HCN2: variants seen among roughly 807,000 people sequenced by gnomAD.
HCN2 encodes the protein hyperpolarization activated cyclic nucleotide gated potassium and sodium channel 2, also known as potassium/sodium hyperpolarization-activated cyclic nucleotide-gated channel 2.
In HCN2, 20 loss-of-function variants were observed where a neutral mutation model predicts 52.3. The ratio of observed to expected loss-of-function variants is 0.38; its 90% CI spans 0.27 to 0.56. The LOEUF is 0.56. Ranked by LOEUF, HCN2 falls within the 20% of genes least tolerant of loss-of-function variation. The pLI, the probability that HCN2 is intolerant of heterozygous loss-of-function variation, is 0.71. For synonymous variants in HCN2, 694 were observed against 537.0 expected (o/e 1.29, Z -4.04); for missense variants, 981 against 1,207.7 (o/e 0.81, Z 2.78).
chr19:614,661 C>G (rs567617913), intron 7 of HCN2, among the ~76,000 whole-genome samples: 1 of 152,028 alleles, frequency 6.6e-6, no homozygotes. Flanking sequence ...GGAGGCCAGA[C>G]ACACAGGGCC....
At chr19:604,036 GGCA>G (rs1371155139) in intron 2 of HCN2, 69 bp downstream of exon 2, 2 of 1,212,926 alleles carry the variant, frequency 1.6e-6, no homozygotes, top group African/African-American at 1.5e-5. Flanking sequence ...GCGGGGCCAA[GGCA>G]GCAGGGGCGG....
chr19:607,265 C>T (rs1436624879), intron 3 of HCN2, among the ~76,000 whole-genome samples: 1 of 152,250 alleles, frequency 6.6e-6, no homozygotes, highest in African/African-American at 2.4e-5. Flanking sequence ...TTATGGGAGC[C>T]CTCGGCCGCT....
chr19:601,905 A>G (rs1421984554), intron 1 of HCN2, among the ~76,000 whole-genome samples: 1 of 151,728 alleles, frequency 6.6e-6, no homozygotes, highest in Non-Finnish European at 1.5e-5. Context: ...CACCTTGGGG[A>G]CTTGGACTCT....
chr19:610,325 G>A lies in HCN2; in HGVS notation c.1504G>A (p.Asp502Asn), dbSNP rs1193990526. The part of the protein sequence containing the change: ...LPADFRQKIH[D>N]YYEHRYQGKM... ...AGCTGACTTCCGCCAGAAGATCCAC[G>A]ACTACTATGAGCACCGTTACCAGGG... Residue 502 changes from aspartate (D) to asparagine (N), a missense_variant, in exon 5 of 8, where the codon GAC (aspartate) becomes AAC (asparagine). Around this residue, in one of 6 missense-constraint regions of HCN2, gnomAD observed 282 missense variants for 553.8 expected, o/e 0.51. Transcript: ENST00000251287. 6.2e-6 allele frequency: 10 copies of A among 1,613,714 alleles called. No homozygotes were observed. Among genetic ancestry groups the A allele is most frequent in the East Asian group, 2.2e-5 (1 of 44,882 alleles).
intron 1 of HCN2, among the ~76,000 whole-genome samples, chr19:595,038 C>G: frequency 6.6e-6 from 1 of 152,050 alleles, no homozygotes; most frequent in South Asian, 2.1e-4. Flanking sequence ...CCCATCTCTA[C>G]AAAAAGTTAA....
intron 4 of HCN2, among the ~76,000 whole-genome samples, chr19:608,976 TG>T (rs1983515607): frequency 6.6e-6 from 1 of 152,180 alleles, no homozygotes; most frequent in Non-Finnish European, 1.5e-5. Flanking sequence ...TGGCAGCCCC[TG>T]GAGTTGGGCC....
intron 6 of HCN2, 45 bp from the exon 7 acceptor site, chr19:613,807 G>T: frequency 1.4e-6 from 2 of 1,453,810 alleles, no homozygotes; most frequent in Non-Finnish European, 1.8e-6. Context: ...GGAGGGCCGC[G>T]GCGCCCGCCT....
chr19:616,370 G>A lies in HCN2; in HGVS notation c.2566G>A (p.Ala856Thr), dbSNP rs771330705. The change falls in exon 8 of 8, where the codon GCC becomes ACC. Residue 856 changes from alanine (A) to threonine (T), a missense_variant. Ala to Thr is a moderately conservative substitution (Grantham distance 58). Transcript: ENST00000251287. Reference sequence around the variant, plus strand: ...CTTGGGGCCCACGCCCGCTGCCCGGGCCGCCGCGCCCAGCCCGGACCGCAG... The same window carrying A: ...CTTGGGGCCCACGCCCGCTGCCCGGACCGCCGCGCCCAGCCCGGACCGCAG... ...PRLGPTPAAR[A>T]AAPSPDRRDS... The A allele has an allele frequency of 7.3e-6, 9 of 1,226,334 alleles. 1 individual carries two copies. The South Asian group carries it at 1.5e-4, about 21-fold the overall frequency. 76.0% of individuals were successfully genotyped at this position (1,226,334 alleles called of 1,614,324 possible).
Position 603,764 on chromosome 19 carries a change from A to T in HCN2, c.853A>T (p.Lys285Ter). ...IILDPEKIKK[K>*]YLRTWFVVDF... ...CCTGGACCCCGAGAAGATCAAGAAG[A>T]AGTATCTGCGCACGTGGTTCGTGGT... The change falls in exon 2 of 8, where the codon AAG (lysine) becomes TAG (stop). Residue 285 changes from lysine to a stop codon, truncating the protein, a stop_gained. Transcript: ENST00000251287. LOFTEE classifies it high-confidence loss of function. 2 of 1,612,818 alleles carry T rather than the reference A, an allele frequency of 1.2e-6. No homozygotes were observed. The highest frequency in any genetic ancestry group is 1.7e-6 in the Non-Finnish European group (2 of 1,179,790).
At position 590,251 on chromosome 19, in the gene HCN2, C is replaced by T. The variant is rs1411216780; in HGVS notation, c.306C>T (p.Cys102=). The stretch of plus-strand genomic sequence containing the variant: ...CCAAGGGCAGCCCGAACGGCGAGTG[C>T]GGGCGCGGCGAGCCGCAGTGCAGCC... ...STAKGSPNGE[C]GRGEPQCSPA... is the part of the protein sequence containing the mutation. Residue 102 remains cysteine, a synonymous_variant, in exon 1 of 8, where the codon TGC becomes TGT. Coordinates refer to ENST00000251287, the MANE Select transcript of HCN2 (RefSeq NM_001194.4). This position sits in a 1 kb window ranked among gnomAD's most constrained non-coding sequence, Gnocchi z 7.2. The T allele has an allele frequency of 5.1e-6, 5 of 988,294 alleles. No individual in the cohort carries two copies. Among genetic ancestry groups the T allele is most frequent in the South Asian group, 4.4e-5 (1 of 22,964 alleles). The allele number at this position is 988,294 out of a possible 1,614,324, so 61.2% of individuals were successfully genotyped here.
Position 616,210 on chromosome 19 carries a change from C to A in HCN2, c.2406C>A (p.Pro802=). Residue 802 remains proline, a synonymous_variant, in exon 8 of 8, where the codon CCC becomes CCA. Transcript: ENST00000251287. ...CCTACGGCGGCCTGCCCGCCGCCCC[C>A]CTTGCTGGGCCCGCCCTGCCCGCGC... The part of the protein sequence containing the change: ...TSPYGGLPAA[P]LAGPALPARR... 1.0e-6 allele frequency: 1 copy of A among 987,312 alleles called. No homozygotes were observed. The highest frequency in any genetic ancestry group is 1.2e-6 in the Non-Finnish European group (1 of 832,380). The allele number at this position is 987,312 out of a possible 1,614,324, so 61.2% of individuals were successfully genotyped here. A position where few individuals can be genotyped will look rare whatever the true frequency, so the allele number is the denominator to read the frequency against.
intron 5 of HCN2, among the ~76,000 whole-genome samples, chr19:612,670 C>T (rs546581367): frequency 6.6e-6 from 1 of 152,160 alleles, no homozygotes; most frequent in African/African-American, 2.4e-5. Context: ...CCACCTTGGC[C>T]TCCCAGAGTG....
At chr19:605,837 G>C (rs995638433) in intron 3 of HCN2, among the ~76,000 whole-genome samples, 1 of 151,900 alleles carries the variant, frequency 6.6e-6, no homozygotes, top group Non-Finnish European at 1.5e-5. Context: ...AGAGACACAG[G>C]CCCTTCAGGG....
chr19:615,517 A>G (rs567520022), intron 7 of HCN2, among the ~76,000 whole-genome samples: 1 of 152,262 alleles, frequency 6.6e-6, no homozygotes, highest in African/African-American at 2.4e-5. Context: ...CCGTCTCAGA[A>G]ACAAAGCAAA....
rs1044047812 is a variant in HCN2, at chr19:590,343, G to A, written c.398G>A (p.Gly133Glu). The part of the protein sequence containing the change: ...VSFSCRGAAS[G>E]PAPGPGPAEE... ...TTCTCGTGCCGCGGGGCGGCCTCGG[G>A]GCCCGCGCCGGGGCCGGGGCCGGCG... Residue 133 changes from glycine (G) to glutamate (E), a missense_variant, in exon 1 of 8, where the codon GGG (glycine) becomes GAG (glutamate). Gly to Glu is a moderately conservative substitution (Grantham distance 98). Transcript: ENST00000251287. This position sits in a 1 kb window ranked among gnomAD's most constrained non-coding sequence, Gnocchi z 7.2. 7 of 1,074,278 alleles carry A rather than the reference G, an allele frequency of 6.5e-6. No individual in the cohort carries two copies. Among genetic ancestry groups the A allele is most frequent in the African/African-American group, 1.7e-5 (1 of 58,476 alleles). The allele number at this position is 1,074,278 out of a possible 1,614,324, so 66.5% of individuals were successfully genotyped here. A position where few individuals can be genotyped will look rare whatever the true frequency, so the allele number is the denominator to read the frequency against.
At chr19:597,431 C>G (rs886691974) in intron 1 of HCN2, among the ~76,000 whole-genome samples, 2 of 152,160 alleles carry the variant, frequency 1.3e-5, no homozygotes, top group East Asian at 3.9e-4. Context: ...GTTATATGGC[C>G]GTTTAAAACC....
chr19:613,642 G>A (rs1410117609), intron 6 of HCN2, among the ~76,000 whole-genome samples, 154 bp downstream of exon 6: 1 of 60,626 alleles, frequency 1.6e-5, no homozygotes, highest in East Asian at 4.5e-4. Context: ...TGGGGCCGGG[G>A]ATGGGGATGG....
chr19:616,054 G>T lies in HCN2; in HGVS notation c.2250G>T (p.Leu750=). ...TGGCGCGGCCGCTCGTGGGGCCGCT[G>T]GCGCTCGGCTCGCCGCGCCTCGTGC... ...PQVARPLVGP[L]ALGSPRLVRR... The change falls in exon 8 of 8, where the codon CTG becomes CTT. Residue 750 remains leucine, a synonymous_variant. Coordinates refer to ENST00000251287, the MANE Select transcript of HCN2 (RefSeq NM_001194.4). The T allele has an allele frequency of 8.3e-7, 1 of 1,199,462 alleles. No individual in the cohort carries two copies. Among genetic ancestry groups the T allele is most frequent in the Non-Finnish European group, 1.0e-6 (1 of 969,584 alleles). The allele number at this position is 1,199,462 out of a possible 1,614,324, so 74.3% of individuals were successfully genotyped here.
intron 6 of HCN2, 66 bp downstream of exon 6, chr19:613,554 GGGGGCCGGGGCCGGGGCC>G (rs778777728): frequency 3.3e-6 from 3 of 912,704 alleles, no homozygotes; most frequent in Non-Finnish European, 4.5e-6. Flanking sequence ...TGCAGAGCCA[GGGGGCCGGGGCCGGGGCC>G]GGGGCCGGGG....
Sources: allele counts gnomAD v4.1 joint callset (sites outside exome capture counted in the v4.1 genomes callset), GRCh38; gene constraint gnomAD v4.1.1; regional missense constraint gnomAD v4.1.1; non-coding constraint Gnocchi (gnomAD v3.1); transcripts MANE v1.5; gene names NCBI Gene and HGNC (gene_info 2026-07-23, HGNC 2026-07-21).